Variants in PTPRD observed in about 807,000 individuals in gnomAD.
PTPRD encodes the protein protein tyrosine phosphatase receptor type D, also known as receptor-type tyrosine-protein phosphatase delta.
Under a neutral mutation model 214.5 loss-of-function variants are expected in PTPRD, and 34 were observed. The observed-to-expected ratio is 0.16, with a 90% CI of 0.12 to 0.21. The LOEUF (loss-of-function observed/expected upper bound fraction) is 0.21. PTPRD is among the 10% of genes least tolerant of loss of function. The pLI is 1.00. For missense variants in PTPRD, 2,545 were observed against 2,398.7 expected, an observed-to-expected ratio of 1.06 and a Z score of -1.27; for synonymous variants, 1,128 against 845.7, an observed-to-expected ratio of 1.33 and a Z score of -5.79.
intron 9 of PTPRD, among the ~76,000 whole-genome samples, chr9:9,252,021 A>T (rs1372511634): frequency 6.6e-6 from 1 of 152,042 alleles, no homozygotes; most frequent in East Asian, 1.9e-4. Flanking sequence ...CTTTTAGCTG[A>T]ATTTTATATC....
chr9:8,563,529 T>C (rs1018788817), intron 14 of PTPRD, among the ~76,000 whole-genome samples: 1 of 149,754 alleles, frequency 6.7e-6, no homozygotes, highest in South Asian at 2.1e-4. Flanking sequence ...CCTCTGCTCA[T>C]GGGTTCAAGC....
chr9:10,541,253 A>T (rs550889703), intron 2 of PTPRD, among the ~76,000 whole-genome samples: 102 of 152,294 alleles, frequency 6.7e-4, no homozygotes, highest in African/African-American at 2.4e-3. Context: ...TGCCTTGATT[A>T]AAGATATAAT....
chr9:10,160,342 T>A (rs763183295), intron 3 of PTPRD, among the ~76,000 whole-genome samples: 1 of 151,964 alleles, frequency 6.6e-6, no homozygotes, highest in Admixed American at 6.6e-5. Context: ...AGTAATGAGA[T>A]TGAAGTCATA....
intron 13 of PTPRD, among the ~76,000 whole-genome samples, chr9:8,634,307 G>A (rs1595745784): frequency 6.6e-6 from 1 of 151,408 alleles, no homozygotes; most frequent in African/African-American, 2.4e-5. Flanking sequence ...TGTCTTTTCT[G>A]TAACTATGCT....
At chr9:10,154,182 G>GT (rs2099079569) in intron 3 of PTPRD, among the ~76,000 whole-genome samples, 1 of 152,054 alleles carries the variant, frequency 6.6e-6, no homozygotes, top group South Asian at 2.1e-4. Context: ...GTGTGAGATG[G>GT]TATCTCATTG....
chr9:8,866,125 A>C (rs541228169), intron 11 of PTPRD, among the ~76,000 whole-genome samples: 21 of 152,166 alleles, frequency 1.4e-4, no homozygotes, highest in African/African-American at 5.1e-4. Flanking sequence ...CTGATTTTCA[A>C]AACTCATTGG....
chr9:10,326,685 G>C (rs1326440990), intron 3 of PTPRD, among the ~76,000 whole-genome samples: 1 of 151,394 alleles, frequency 6.6e-6, no homozygotes, highest in African/African-American at 2.4e-5. Context: ...ATGAAGAAAA[G>C]CATCTATAAA....
chr9:9,276,287 G>A (rs1945606122), intron 9 of PTPRD, among the ~76,000 whole-genome samples: 1 of 151,360 alleles, frequency 6.6e-6, no homozygotes, highest in African/African-American at 2.4e-5. Context: ...CTTTAACTAA[G>A]AGAGCAGAAG....
chr9:9,369,228 G>T (rs562878953), intron 9 of PTPRD, among the ~76,000 whole-genome samples: 26 of 152,224 alleles, frequency 1.7e-4, no homozygotes, highest in African/African-American at 6.3e-4. Flanking sequence ...CCCACCAACA[G>T]TGTAAAAGTG....
intron 3 of PTPRD, among the ~76,000 whole-genome samples, chr9:10,285,608 T>C (rs975401922): frequency 3.7e-5 from 5 of 136,178 alleles, no homozygotes; most frequent in Admixed American, 7.2e-5. Context: ...GTCTCATCTT[T>C]TTTTTTTTTT....
At chr9:8,925,586 T>C (rs764299261) in intron 11 of PTPRD, among the ~76,000 whole-genome samples, 46 of 75,878 alleles carry the variant, frequency 6.1e-4, no homozygotes, top group Admixed American at 5.7e-3. Context: ...CCAACCAAGA[T>C]ATTTTTCATC....
chr9:9,627,317 T>G (rs1471557901), intron 7 of PTPRD, among the ~76,000 whole-genome samples: 1 of 152,182 alleles, frequency 6.6e-6, no homozygotes, highest in East Asian at 1.9e-4. Context: ...AAAAAAATTC[T>G]ATTTTGCAGA....
chr9:9,257,580 C>G (rs115785382), intron 9 of PTPRD, among the ~76,000 whole-genome samples: 2,472 of 151,992 alleles, frequency 0.016, 66 homozygotes, highest in African/African-American at 0.056. Flanking sequence ...TTGCTTGAGT[C>G]CAGGGGCTCA....
At chr9:8,399,743 G>T (rs1250172071) in intron 36 of PTPRD, among the ~76,000 whole-genome samples, 1 of 152,110 alleles carries the variant, frequency 6.6e-6, no homozygotes, top group African/African-American at 2.4e-5. Context: ...CATCAGTTTT[G>T]AATTAGGTTT....
intron 8 of PTPRD, among the ~76,000 whole-genome samples, chr9:9,538,531 T>C (rs2076958394): frequency 6.6e-6 from 1 of 151,990 alleles, no homozygotes; most frequent in East Asian, 1.9e-4. Context: ...CATCCTTTGA[T>C]TGATCAAAAC....
At chr9:10,111,098 TA>T (rs2098687441) in intron 3 of PTPRD, among the ~76,000 whole-genome samples, 2 of 152,034 alleles carry the variant, frequency 1.3e-5, no homozygotes, top group Non-Finnish European at 1.5e-5. Context: ...AACTTATTTG[TA>T]AAAAGGGGAG....
chr9:8,780,998 C>T (rs1432749955), intron 11 of PTPRD, among the ~76,000 whole-genome samples: 1 of 152,170 alleles, frequency 6.6e-6, no homozygotes. Flanking sequence ...GGAGCTATTA[C>T]ACTCTGAAGA....
In PTPRD at chr9:10,323,609, G is replaced by T. The variant is rs976386014; in HGVS notation, c.-545+17354C>A. On this transcript the variant is annotated intron_variant, in intron 3 of 45. Coordinates refer to ENST00000381196, the MANE Select transcript of PTPRD (RefSeq NM_002839.4). ...TCTACATCTGGGCAAAGATGGAGGG[G>T]CATCAATGGAGAGAAAGGAGAGTCC... 2.0e-5 allele frequency among the ~76,000 whole-genome samples: 3 copies of T among 151,648 alleles called. No individual in the cohort carries two copies. In the South Asian group the frequency reaches 6.2e-4, roughly 31 times the overall value.
At chr9:9,727,260 G>A (rs2098112217) in intron 7 of PTPRD, among the ~76,000 whole-genome samples, 1 of 151,924 alleles carries the variant, frequency 6.6e-6, no homozygotes, top group Non-Finnish European at 1.5e-5. Context: ...GACCAGCTTG[G>A]GCAACATACT....
Sources: gnomAD v4.1 joint callset for allele counts (sites outside exome capture counted in the v4.1 genomes callset) on GRCh38, gnomAD v4.1.1 for gene constraint, MANE v1.5 for transcripts, NCBI Gene and HGNC (gene_info 2026-07-23, HGNC 2026-07-21) for gene names.